The following SPATA2 variants were observed in gnomAD, a reference collection of about 807,000 sequenced individuals.
SPATA2 encodes spermatogenesis associated 2.
A neutral mutation model predicts 35.4 loss-of-function variants in SPATA2; 8 were observed. The ratio of observed to expected loss-of-function variants is 0.23; its 90% CI spans 0.13 to 0.41. The LOEUF is 0.41. SPATA2 is among the 10% of genes least tolerant of loss of function. The pLI is 1.00. For synonymous variants in SPATA2, 293 were observed against 300.9 expected (o/e 0.97, Z 0.27); for missense variants, 650 against 698.7 (o/e 0.93, Z 0.79).
chr20:49,910,942 C>CG (rs2090179341), intron 1 of SPATA2, among the ~76,000 whole-genome samples: 1 of 152,210 alleles, frequency 6.6e-6, no homozygotes, highest in Non-Finnish European at 1.5e-5. Flanking sequence ...GGGCCAGGTG[C>CG]GGGGGCTCAC....
Position 49,908,362 on chromosome 20 carries a change from C to A in SPATA2, c.129G>T (p.Arg43=). The A allele has an allele frequency of 6.2e-7, 1 of 1,614,230 alleles. No individual in the cohort carries two copies. The highest frequency in any genetic ancestry group is 8.5e-7 in the Non-Finnish European group (1 of 1,180,034). The change falls in exon 2 of 3, where the codon CGG becomes CGT. Residue 43 remains arginine (R), a synonymous_variant. Transcript: ENST00000289431. Reference sequence around the variant, plus strand: ...GGCTGAGCAGGGTTGAGGCTGCCACCCGCAGGCACTCATCGCTGCCAGGCC... The same window carrying A: ...GGCTGAGCAGGGTTGAGGCTGCCACACGCAGGCACTCATCGCTGCCAGGCC... ...RQRPGSDECL[R]VAASTLLSLH...
At position 49,915,395 on chromosome 20, in the gene SPATA2, G is replaced by A. The variant is rs1282046607; in HGVS notation, c.-118C>T. ...CGTCACTCACCCTGACACTGCCGCC[G>A]AGGACGGCCCGGCCGAGGGAAGCAA... On this transcript the variant is annotated 5_prime_UTR_variant, in exon 1 of 3. Transcript: ENST00000289431. The A allele has an allele frequency of 1.3e-5, 2 of 152,070 alleles. No homozygotes were observed. The highest frequency in any genetic ancestry group is 4.8e-5 in the African/African-American group (2 of 41,400). 9.4% of individuals were successfully genotyped at this position (152,070 alleles called of 1,614,324 possible).
intron 1 of SPATA2, among the ~76,000 whole-genome samples, chr20:49,910,493 C>T (rs932633446): frequency 1.3e-5 from 2 of 152,138 alleles, no homozygotes; most frequent in Admixed American, 1.3e-4. Flanking sequence ...ATGCTCTGGT[C>T]CTGCTGCTCC....
In SPATA2 at chr20:49,903,936, T is replaced by G. The variant is rs1308836913; in HGVS notation, c.*1683A>C. 6 of 57,600 alleles carry G rather than the reference T, an allele frequency of 1.0e-4. No homozygotes were observed. The highest frequency in any genetic ancestry group is 9.5e-4 in the East Asian group (1 of 1,052). The allele number at this position is 57,600 out of a possible 1,614,324, so 3.6% of individuals were successfully genotyped here. ...ATATATATATATATATATATATATA[T>G]ATATATATATATATATTAAAAAGAG... On this transcript the variant is annotated 3_prime_UTR_variant, in exon 3 of 3. Transcript: ENST00000289431.
chr20:49,912,710 A>G (rs1411501793), intron 1 of SPATA2, among the ~76,000 whole-genome samples: 1 of 152,120 alleles, frequency 6.6e-6, no homozygotes, highest in Non-Finnish European at 1.5e-5. Context: ...CTGCTCTATA[A>G]TCGCACCACA....
chr20:49,904,160 C>T lies in SPATA2; in HGVS notation c.*1459G>A, dbSNP rs1258401618. On this transcript the variant is annotated 3_prime_UTR_variant, in exon 3 of 3. Coordinates refer to ENST00000289431, the MANE Select transcript of SPATA2 (RefSeq NM_006038.4). ...AGTTATGGCTAAAATATAGTTAGTTCACAAGGAAGCGGCTTTATTTTCAAA... is the reference window on the plus strand; with the variant it reads ...AGTTATGGCTAAAATATAGTTAGTTTACAAGGAAGCGGCTTTATTTTCAAA... 1.3e-5 allele frequency: 2 copies of T among 152,402 alleles called. No individual in the cohort carries two copies. Among genetic ancestry groups the T allele is most frequent in the Non-Finnish European group, 2.9e-5 (2 of 68,004 alleles). The allele number at this position is 152,402 out of a possible 1,614,324, so 9.4% of individuals were successfully genotyped here. A position where few individuals can be genotyped will look rare whatever the true frequency, so the allele number is the denominator to read the frequency against.
chr20:49,910,897 G>C (rs1349884986), intron 1 of SPATA2, among the ~76,000 whole-genome samples: 1 of 152,188 alleles, frequency 6.6e-6, no homozygotes, highest in African/African-American at 2.4e-5. Context: ...GACAAATAAG[G>C]CTGAGGAGTA....
At position 49,906,145 on chromosome 20, in the gene SPATA2, G is replaced by C; in HGVS notation, c.1037C>G (p.Thr346Ser). ...CCGCAGAGCATCCTGCCGACGGTAGGTGGCCCTGGGTTCAGAGTCTGTGTA... is the reference window on the plus strand; with the variant it reads ...CCGCAGAGCATCCTGCCGACGGTAGCTGGCCCTGGGTTCAGAGTCTGTGTA... ...DLYTDSEPRA[T>S]YRRQDALRPD... Residue 346 changes from threonine to serine, a missense_variant, in exon 3 of 3, where the codon ACC becomes AGC. Transcript: ENST00000289431. The surrounding 1 kb of genome is among the most constrained non-coding windows in gnomAD (Gnocchi z 8.2). 6.2e-7 allele frequency: 1 copy of C among 1,608,908 alleles called. No homozygotes were observed. Among genetic ancestry groups the C allele is most frequent in the Non-Finnish European group, 8.5e-7 (1 of 1,177,242 alleles).
chr20:49,905,692 T>C lies in SPATA2; in HGVS notation c.1490A>G (p.Glu497Gly). 6.2e-7 allele frequency: 1 copy of C among 1,614,244 alleles called. No individual in the cohort carries two copies. The highest frequency in any genetic ancestry group is 1.3e-5 in the African/African-American group (1 of 75,068). Residue 497 changes from glutamate (E) to glycine (G), a missense_variant, in exon 3 of 3, where the codon GAG (glutamate) becomes GGG (glycine). Coordinates refer to ENST00000289431, the MANE Select transcript of SPATA2 (RefSeq NM_006038.4). ...GTTGTTGGGCATGAACTTGTGCAGC[T>C]CACTCTTTTTGTAGCAGGGGTCATA... ...YHYDPCYKKS[E>G]LHKFMPNNQL...
intron 2 of SPATA2, 75 bp downstream of exon 2, chr20:49,908,080 T>G: frequency 7.1e-7 from 1 of 1,399,772 alleles, no homozygotes; most frequent in Admixed American, 2.1e-5. Context: ...CAGACTGGCA[T>G]AGCCTCTCAG....
In SPATA2 at chr20:49,905,628, C is replaced by T. The variant is rs1343029870; in HGVS notation, c.1554G>A (p.Val518=). 6.2e-7 allele frequency: 1 copy of T among 1,614,176 alleles called. No homozygotes were observed. Among genetic ancestry groups the T allele is most frequent in the Non-Finnish European group, 8.5e-7 (1 of 1,180,000 alleles). ...NYKSTQLSHL[V]YR The stretch of plus-strand genomic sequence containing the variant: ...AAGGGGCGAGGCCGGTCTATCTGTA[C>T]ACGAGATGGGAGAGCTGGGTGGACT... The change falls in exon 3 of 3, where the codon GTG becomes GTA. Residue 518 remains valine (V), a synonymous_variant. Coordinates refer to ENST00000289431, the MANE Select transcript of SPATA2 (RefSeq NM_006038.4).
chr20:49,914,738 G>C (rs1451645239), intron 1 of SPATA2, among the ~76,000 whole-genome samples: 1 of 152,214 alleles, frequency 6.6e-6, no homozygotes, highest in South Asian at 2.1e-4. Flanking sequence ...TCCCTGCAGG[G>C]GACAGAAGCT....
intron 1 of SPATA2, among the ~76,000 whole-genome samples, chr20:49,912,077 G>C (rs1052164342): frequency 3.3e-5 from 5 of 152,150 alleles, no homozygotes; most frequent in Non-Finnish European, 5.9e-5. Flanking sequence ...ATACCACCTA[G>C]TATCAAAGTA....
chr20:49,906,569 G>A lies in SPATA2; in HGVS notation c.613C>T (p.Arg205Cys), dbSNP rs1451229526. 30 of 1,613,962 alleles carry A rather than the reference G, an allele frequency of 1.9e-5. No homozygotes were observed. Among genetic ancestry groups the A allele is most frequent in the African/African-American group, 2.7e-5 (2 of 74,958 alleles). ...SERKSSAEDV[R>C]GCSDALRRRA... Reference sequence around the variant, plus strand: ...CGCCGCAGGGCGTCCGAGCAGCCGCGCACATCCTCTGCACTGCTCTTGCGC... The same window carrying A: ...CGCCGCAGGGCGTCCGAGCAGCCGCACACATCCTCTGCACTGCTCTTGCGC... Residue 205 changes from arginine to cysteine, a missense_variant, in exon 3 of 3, where the codon CGC becomes TGC. Arg to Cys is a radical substitution (Grantham distance 180). Transcript: ENST00000289431. The surrounding 1 kb of genome is among the most constrained non-coding windows in gnomAD (Gnocchi z 8.2).
chr20:49,906,114 A>G lies in SPATA2; in HGVS notation c.1068T>C (p.Asp356=). The G allele has an allele frequency of 1.9e-6, 3 of 1,612,270 alleles. No homozygotes were observed. Among genetic ancestry groups the G allele is most frequent in the Non-Finnish European group, 2.5e-6 (3 of 1,179,592 alleles). The change falls in exon 3 of 3, where the codon GAT becomes GAC. Residue 356 remains aspartate, a synonymous_variant. Transcript: ENST00000289431. The surrounding 1 kb of genome is among the most constrained non-coding windows in gnomAD (Gnocchi z 8.2). ...GGGCATCGTTTCTGAGCAGCCACAC[A>G]TCCGGCCGCAGAGCATCCTGCCGAC... ...TYRRQDALRP[D]VWLLRNDAHS... is the part of the protein sequence containing the mutation.
At chr20:49,915,333 G>A (rs888501442) in intron 1 of SPATA2, 47 bp downstream of exon 1, 6 of 152,552 alleles carry the variant, frequency 3.9e-5, no homozygotes, top group African/African-American at 1.2e-4. Context: ...CCCTCCGCCT[G>A]GGGAAGCCCC....
chr20:49,906,097 T>G lies in SPATA2; in HGVS notation c.1085A>C (p.Asn362Thr), dbSNP rs769437668. ...CTTGTGGTAGAGGGAGTGGGCATCG[T>G]TTCTGAGCAGCCACACATCCGGCCG... Reference protein sequence around the residue: ...ALRPDVWLLRNDAHSLYHKRS... With the variant: ...ALRPDVWLLRTDAHSLYHKRS... The change falls in exon 3 of 3, where the codon AAC becomes ACC. Residue 362 changes from asparagine to threonine, a missense_variant. By Grantham distance (65) the Asn-to-Thr change is moderately conservative. Transcript: ENST00000289431. This position sits in a 1 kb window ranked among gnomAD's most constrained non-coding sequence, Gnocchi z 8.2. 2 of 1,611,390 alleles carry G rather than the reference T, an allele frequency of 1.2e-6. No homozygotes were observed. Among genetic ancestry groups the G allele is most frequent in the Non-Finnish European group, 1.7e-6 (2 of 1,179,716 alleles).
chr20:49,906,313 T>C lies in SPATA2; in HGVS notation c.869A>G (p.Glu290Gly), dbSNP rs370029346. 18 of 1,598,140 alleles carry C rather than the reference T, an allele frequency of 1.1e-5. No individual in the cohort carries two copies. The highest frequency in any genetic ancestry group is 1.5e-5 in the Non-Finnish European group (18 of 1,170,880). The change falls in exon 3 of 3, where the codon GAG (glutamate) becomes GGG (glycine). Residue 290 changes from glutamate (E) to glycine (G), a missense_variant. Coordinates refer to ENST00000289431, the MANE Select transcript of SPATA2 (RefSeq NM_006038.4). This position sits in a 1 kb window ranked among gnomAD's most constrained non-coding sequence, Gnocchi z 8.2. ...ATDVGDDLKD[E>G]IIRPSPSLLT... ...CAGCGAAGGGGATGGGCGGATGATC[T>C]CATCCTTGAGGTCGTCCCCCACATC...
At position 49,914,517 on chromosome 20, in the gene SPATA2, T is replaced by A. The variant is rs76086619; in HGVS notation, c.-103+863A>T. Among the ~76,000 whole-genome samples, 172 of 152,036 alleles carry A rather than the reference T, an allele frequency of 1.1e-3. 2 individuals are homozygous for A. In the East Asian group the frequency reaches 0.029, roughly 25 times the overall value. On this transcript the variant is annotated intron_variant, in intron 1 of 2. Transcript: ENST00000289431. ...CCCTCCACCTCCCCACCCACACCAATGCACTCGTTCCAAGCAAGAGGCTCC... is the reference window on the plus strand; with the variant it reads ...CCCTCCACCTCCCCACCCACACCAAAGCACTCGTTCCAAGCAAGAGGCTCC...
Sources: allele counts gnomAD v4.1 joint callset (sites outside exome capture counted in the v4.1 genomes callset), GRCh38; gene constraint gnomAD v4.1.1; non-coding constraint Gnocchi (gnomAD v3.1); transcripts MANE v1.5; gene names NCBI Gene and HGNC (gene_info 2026-07-23, HGNC 2026-07-21).